LANCL3: variants seen among roughly 807,000 people sequenced by gnomAD.
LANCL3 encodes lanC-like protein 3.
LANCL3 carries 19 observed loss-of-function variants against 26.5 expected under a neutral mutation model. That is an observed-to-expected ratio of 0.72 (90% CI 0.50 to 1.05). The LOEUF (loss-of-function observed/expected upper bound fraction) is 1.05, where lower values mean the gene tolerates loss of function less well. Ranked by LOEUF, LANCL3 falls within the 50% of genes least tolerant of loss-of-function variation. The probability of loss-of-function intolerance (pLI) is 0.00; values close to 1 mark genes in which losing one functional copy is unlikely to be tolerated. For synonymous variants in LANCL3, 160 were observed against 166.6 expected (o/e 0.96, Z 0.30); for missense variants, 318 against 362.7 (o/e 0.88, Z 1.00).
intron 1 of LANCL3, among the ~76,000 whole-genome samples, chrX:37,597,926 G>A (rs1924482035): frequency 9.1e-6 from 1 of 109,951 alleles, no homozygotes; most frequent in Non-Finnish European, 1.9e-5. Flanking sequence ...GAATGATATT[G>A]ACCATCTTTT....
intron 1 of LANCL3, among the ~76,000 whole-genome samples, chrX:37,625,608 C>T (rs782326810): frequency 9.0e-6 from 1 of 111,609 alleles, no homozygotes; most frequent in South Asian, 3.8e-4. Context: ...TCGAGACTCA[C>T]AATGTCAGAT....
intron 1 of LANCL3, among the ~76,000 whole-genome samples, chrX:37,598,627 A>AT (rs1924500226): frequency 8.9e-6 from 1 of 112,557 alleles, no homozygotes; most frequent in African/African-American, 3.2e-5. Flanking sequence ...TTAGACATTG[A>AT]TTTTATCATG....
At chrX:37,627,439 A>G (rs782442006) in intron 1 of LANCL3, among the ~76,000 whole-genome samples, 1 of 111,254 alleles carries the variant, frequency 9.0e-6, no homozygotes, top group African/African-American at 3.3e-5. Context: ...CAGTCCTGCC[A>G]TAGCCAAAAA....
At chrX:37,629,305 T>C (rs1463743891) in intron 1 of LANCL3, among the ~76,000 whole-genome samples, 1 of 106,567 alleles carries the variant, frequency 9.4e-6, no homozygotes, top group Non-Finnish European at 1.9e-5. Flanking sequence ...GTTTGTTTTT[T>C]TCTTGTAAAT....
chrX:37,606,056 G>C (rs1215410826), intron 1 of LANCL3, among the ~76,000 whole-genome samples: 1 of 111,787 alleles, frequency 8.9e-6, no homozygotes, highest in Non-Finnish European at 1.9e-5. Context: ...AGAACACAAA[G>C]CAATATCAGC....
intron 1 of LANCL3, among the ~76,000 whole-genome samples, chrX:37,633,093 A>G (rs1394679256): frequency 7.2e-5 from 8 of 110,358 alleles, no homozygotes; most frequent in African/African-American, 1.6e-4. Flanking sequence ...AGGTACACCA[A>G]TCAGATGTAG....
chrX:37,638,587 C>G (rs1178911630), intron 1 of LANCL3, among the ~76,000 whole-genome samples: 2 of 111,778 alleles, frequency 1.8e-5, no homozygotes, highest in Non-Finnish European at 3.8e-5. Flanking sequence ...TACCATATAA[C>G]AGATATGCTG....
At chrX:37,651,619 T>C (rs1378653153) in intron 1 of LANCL3, among the ~76,000 whole-genome samples, 2 of 111,146 alleles carry the variant, frequency 1.8e-5, no homozygotes, top group Admixed American at 9.6e-5. Flanking sequence ...TTTTTTTTTA[T>C]ACTTTAAGTT....
rs374014926 is a variant in LANCL3 at position 37,613,008 on chromosome X, C to T, written c.573+40565C>T. On this transcript the variant is annotated intron_variant, in intron 1 of 4. Transcript: ENST00000378619. ...ATTTTTCTGCCTTCAAAGGACATTC[C>T]CATCCTCATCTACTGTGCTTCCTTT... Among the ~76,000 whole-genome samples, 6 of 111,033 alleles carry T rather than the reference C, an allele frequency of 5.4e-5. No individual in the cohort carries two copies. In the East Asian group the frequency reaches 8.5e-4, roughly 16 times the overall value.
intron 2 of LANCL3, among the ~76,000 whole-genome samples, chrX:37,656,246 G>GT (rs1926280691): frequency 1.9e-5 from 2 of 103,135 alleles, no homozygotes; most frequent in East Asian, 6.1e-4. Flanking sequence ...TCTGGGCCAT[G>GT]CAAAAAAAAA....
chrX:37,659,695 T>C (rs1556432216), intron 3 of LANCL3, 36 bp downstream of exon 3: 2 of 1,143,671 alleles, frequency 1.7e-6, no homozygotes, highest in African/African-American at 3.6e-5. Context: ...ATATTGCCTT[T>C]CATCTAGGTT....
intron 1 of LANCL3, among the ~76,000 whole-genome samples, chrX:37,577,098 T>G (rs782022939): frequency 8.9e-6 from 1 of 112,074 alleles, no homozygotes; most frequent in African/African-American, 3.2e-5. Context: ...TGACTTACCT[T>G]TTAAAAAGAT....
intron 2 of LANCL3, among the ~76,000 whole-genome samples, chrX:37,657,061 A>T (rs781960004): frequency 2.7e-5 from 3 of 112,890 alleles, no homozygotes; most frequent in Admixed American, 9.3e-5. Flanking sequence ...AGGGAATCTT[A>T]GAGACTTTAT....
At chrX:37,635,191 C>A (rs782055468) in intron 1 of LANCL3, among the ~76,000 whole-genome samples, 1 of 111,682 alleles carries the variant, frequency 9.0e-6, no homozygotes, top group Non-Finnish European at 1.9e-5. Flanking sequence ...AGATCCGTTT[C>A]ATGAATGAGA....
At chrX:37,635,453 G>A (rs1556425262) in intron 1 of LANCL3, among the ~76,000 whole-genome samples, 1 of 111,091 alleles carries the variant, frequency 9.0e-6, no homozygotes, top group African/African-American at 3.3e-5. Context: ...CAATTAACAT[G>A]TTCTCCCCCC....
chrX:37,636,995 G>C (rs1016981302), intron 1 of LANCL3, among the ~76,000 whole-genome samples: 1 of 111,904 alleles, frequency 8.9e-6, no homozygotes, highest in Non-Finnish European at 1.9e-5. Flanking sequence ...TTTAGAAAAG[G>C]CCTTTGTGTA....
At chrX:37,647,051 A>C (rs782672573) in intron 1 of LANCL3, among the ~76,000 whole-genome samples, 1 of 112,271 alleles carries the variant, frequency 8.9e-6, no homozygotes, top group Non-Finnish European at 1.9e-5. Flanking sequence ...GTGGTGGCTC[A>C]CACCTGTAAT....
chrX:37,583,686 C>G (rs34911747), intron 1 of LANCL3, among the ~76,000 whole-genome samples: 23,846 of 111,439 alleles, frequency 0.21, 3,884 homozygotes, highest in African/African-American at 0.57. Context: ...AGACTTTGCT[C>G]AAGTTGCTTA....
At chrX:37,673,971 C>A (rs186122961) in intron 4 of LANCL3, among the ~76,000 whole-genome samples, 2 of 111,548 alleles carry the variant, frequency 1.8e-5, no homozygotes, top group Admixed American at 1.9e-4. Context: ...TTGCTATATT[C>A]TCAGAACCTG....
Sources: gnomAD v4.1 joint callset for allele counts (sites outside exome capture counted in the v4.1 genomes callset) on GRCh38, gnomAD v4.1.1 for gene constraint, MANE v1.5 for transcripts, NCBI Gene and HGNC (gene_info 2026-07-23, HGNC 2026-07-21) for gene names.